The following CCDC152 variants were observed in gnomAD, a reference collection of about 807,000 sequenced individuals.
CCDC152 encodes the protein coiled-coil domain-containing protein 152.
A neutral mutation model predicts 38.1 loss-of-function variants in CCDC152; 37 were observed. The ratio of observed to expected loss-of-function variants is 0.97; its 90% CI spans 0.75 to 1.28. CCDC152 has a LOEUF of 1.28. Among genes scored for constraint, CCDC152 ranks in the 50% most tolerant of loss-of-function variants. The pLI is 0.00. For synonymous variants in CCDC152, 83 were observed against 87.1 expected (o/e 0.95, Z 0.26); for missense variants, 259 against 292.1 (o/e 0.89, Z 0.83).
At chr5:42,768,388 C>T (rs201638299) in intron 3 of CCDC152, among the ~76,000 whole-genome samples, 6 of 151,476 alleles carry the variant, frequency 4.0e-5, no homozygotes, top group Non-Finnish European at 7.4e-5. Flanking sequence ...CAAAACAAAA[C>T]AGTCTCTGCT....
chr5:42,769,202 C>T (rs1561273591), intron 3 of CCDC152, among the ~76,000 whole-genome samples: 1 of 151,506 alleles, frequency 6.6e-6, no homozygotes, highest in Non-Finnish European at 1.5e-5. Context: ...GAGCCGACAT[C>T]GTGCCACTGC....
At chr5:42,766,770 G>A (rs929674485) in intron 3 of CCDC152, among the ~76,000 whole-genome samples, 1 of 152,078 alleles carries the variant, frequency 6.6e-6, no homozygotes, top group Non-Finnish European at 1.5e-5. Flanking sequence ...GAAGGGTAGT[G>A]GGGGGCTGGA....
At chr5:42,788,594 A>G (rs1236034457) in intron 6 of CCDC152, among the ~76,000 whole-genome samples, 2 of 152,072 alleles carry the variant, frequency 1.3e-5, no homozygotes, top group South Asian at 2.1e-4. Flanking sequence ...GTAACTGTCC[A>G]AATATTTTTG....
chr5:42,789,025 T>C (rs542508088), intron 6 of CCDC152, among the ~76,000 whole-genome samples: 6 of 152,344 alleles, frequency 3.9e-5, no homozygotes, highest in Admixed American at 6.5e-5. Context: ...GCCTGAGGCA[T>C]ACGCAGGCAT....
chr5:42,785,387 G>T (rs1011756437), intron 6 of CCDC152, among the ~76,000 whole-genome samples: 1 of 151,968 alleles, frequency 6.6e-6, no homozygotes, highest in Admixed American at 6.6e-5. Context: ...TTCTTGATTT[G>T]GTTCTCAGCT....
At chr5:42,790,545 G>A (rs1759985296) in intron 6 of CCDC152, among the ~76,000 whole-genome samples, 1 of 152,162 alleles carries the variant, frequency 6.6e-6, no homozygotes, top group Non-Finnish European at 1.5e-5. Context: ...TGCCAAGACA[G>A]GATTAGACAT....
intron 5 of CCDC152, among the ~76,000 whole-genome samples, chr5:42,781,305 G>C (rs375028952): frequency 6.6e-6 from 1 of 152,182 alleles, no homozygotes; most frequent in Non-Finnish European, 1.5e-5. Flanking sequence ...CACCTGCCCA[G>C]TTTTAATTAG....
Position 42,796,131 on chromosome 5 carries a change from A to G in CCDC152, c.431-698A>G, listed in dbSNP as rs1216292769. Among the ~76,000 whole-genome samples, 4 of 152,096 alleles carry G rather than the reference A, an allele frequency of 2.6e-5. No homozygotes were observed. In the South Asian group the frequency reaches 6.2e-4, roughly 24 times the overall value. On this transcript the variant is annotated intron_variant, in intron 6 of 8. Coordinates refer to ENST00000361970, the MANE Select transcript of CCDC152 (RefSeq NM_001134848.2). ...GGGGAGGGATAGCATTAGCAGATAT[A>G]CCTAATGCTAAATGACGAGTTAATG...
chr5:42,785,919 A>G lies in CCDC152; in HGVS notation c.430+2343A>G, dbSNP rs551668292. ...GTTTTTGATTCTGTTTGTGTAGCGA[A>G]TCACATTTATTGACTTGCATATATC... On this transcript the variant is annotated intron_variant, in intron 6 of 8. Transcript: ENST00000361970. Among the ~76,000 whole-genome samples the G allele has an allele frequency of 7.8e-4, 118 of 152,168 alleles. 2 individuals carry two copies. The highest frequency in any genetic ancestry group is 7.8e-4 in the Non-Finnish European group (53 of 68,000).
chr5:42,774,849 T>A (rs1049473944), intron 4 of CCDC152, among the ~76,000 whole-genome samples: 29 of 152,050 alleles, frequency 1.9e-4, no homozygotes, highest in African/African-American at 6.3e-4. Flanking sequence ...CCAGAAATTT[T>A]AAAAAACTAC....
chr5:42,779,118 A>G (rs1303201170), intron 4 of CCDC152, among the ~76,000 whole-genome samples: 1 of 152,132 alleles, frequency 6.6e-6, no homozygotes, highest in Non-Finnish European at 1.5e-5. Context: ...CGTCTCAAGT[A>G]GCTTCTCTTC....
Position 42,779,487 on chromosome 5 carries a change from G to T in CCDC152, c.292G>T (p.Asp98Tyr). The T allele has an allele frequency of 6.6e-7, 1 of 1,518,502 alleles. No individual in the cohort carries two copies. Among genetic ancestry groups the T allele is most frequent in the Non-Finnish European group, 8.9e-7 (1 of 1,117,490 alleles). The allele number at this position is 1,518,502 out of a possible 1,614,324, so 94.1% of individuals were successfully genotyped here. A position where few individuals can be genotyped will look rare whatever the true frequency, so the allele number is the denominator to read the frequency against. Residue 98 changes from aspartate to tyrosine, a missense_variant, in exon 5 of 9, where the codon GAT (aspartate) becomes TAT (tyrosine). Transcript: ENST00000361970. ...GENEQLKISA[D>Y]LIKEKLKSHE... is the part of the protein sequence containing the mutation. ...AAATGAACAACTAAAAATAAGTGCT[G>T]ATCTTATAAAAGAGAAGTTAAAGTC...
intron 5 of CCDC152, among the ~76,000 whole-genome samples, chr5:42,781,207 G>T (rs1759839792): frequency 6.6e-6 from 1 of 152,290 alleles, no homozygotes; most frequent in South Asian, 2.1e-4. Context: ...CAGTTGTCAG[G>T]AGTAGTTTAT....
At chr5:42,781,555 G>A (rs28485482) in intron 5 of CCDC152, among the ~76,000 whole-genome samples, 77,763 of 123,166 alleles carry the variant, frequency 0.63, 21,027 homozygotes, top group East Asian at 0.78. Context: ...GCGCGCGCGC[G>A]CACACACACA....
chr5:42,799,143 A>G (rs1294857569), intron 7 of CCDC152, among the ~76,000 whole-genome samples: 1 of 151,552 alleles, frequency 6.6e-6, no homozygotes, highest in East Asian at 1.9e-4. Flanking sequence ...GAAACAAAGA[A>G]AAAAAAAACC....
At chr5:42,796,499 T>C (rs933824747) in intron 6 of CCDC152, among the ~76,000 whole-genome samples, 1 of 152,194 alleles carries the variant, frequency 6.6e-6, no homozygotes, top group African/African-American at 2.4e-5. Flanking sequence ...AGTCATCCAG[T>C]AGTTTGAGCC....
intron 6 of CCDC152, among the ~76,000 whole-genome samples, chr5:42,794,627 C>T (rs561976860): frequency 4.6e-5 from 7 of 152,320 alleles, no homozygotes; most frequent in African/African-American, 1.7e-4. Context: ...TTAGTTCTTG[C>T]TATACTTCCA....
rs775439447 is a variant in CCDC152, at chr5:42,769,628, G to A, written c.225G>A (p.Gly75=). 2.7e-4 allele frequency: 408 copies of A among 1,485,584 alleles called. 1 individual carries two copies. Among genetic ancestry groups the A allele is most frequent in the Non-Finnish European group, 3.4e-4 (383 of 1,116,146 alleles). The allele number at this position is 1,485,584 out of a possible 1,614,324, so 92.0% of individuals were successfully genotyped here. A position where few individuals can be genotyped will look rare whatever the true frequency, so the allele number is the denominator to read the frequency against. The change falls in exon 4 of 9, where the codon GGG becomes GGA. Residue 75 remains glycine (G), a synonymous_variant. Transcript: ENST00000361970. ...ECATLHNIIK[G]LQQTIEYQQN... Reference sequence around the variant, plus strand: ...CTACTCTTCATAATATAATAAAAGGGCTACAACAGACCATTGAATATCAAC... The same window carrying A: ...CTACTCTTCATAATATAATAAAAGGACTACAACAGACCATTGAATATCAAC...
rs1268767135 is a variant in CCDC152 at position 42,799,767 on chromosome 5, C to T, written c.751C>T (p.Arg251Cys). 4 of 1,550,674 alleles carry T rather than the reference C, an allele frequency of 2.6e-6. No homozygotes were observed. Among genetic ancestry groups the T allele is most frequent in the East Asian group, 2.4e-5 (1 of 40,870 alleles). Reference protein sequence around the residue: ...LSVGKDSHLKRRRF With the variant: ...LSVGKDSHLKCRRF ...TGTTGGCAAAGATTCTCACCTTAAG[C>T]GTAGACGGTTTTGAGCTTAGCAGTA... Residue 251 changes from arginine (R) to cysteine (C), a missense_variant, in exon 9 of 9, where the codon CGT (arginine) becomes TGT (cysteine). Coordinates refer to ENST00000361970, the MANE Select transcript of CCDC152 (RefSeq NM_001134848.2).
Sources: gnomAD v4.1 joint callset for allele counts (sites outside exome capture counted in the v4.1 genomes callset) on GRCh38, gnomAD v4.1.1 for gene constraint, MANE v1.5 for transcripts, NCBI Gene and HGNC (gene_info 2026-07-23, HGNC 2026-07-21) for gene names.